Variants in PAXBP1 observed in about 807,000 individuals in gnomAD.
PAXBP1 encodes the protein PAX3 and PAX7 binding protein 1.
PAXBP1 carries 44 observed loss-of-function variants against 119.9 expected under a neutral mutation model. The observed-to-expected ratio is 0.37, with a 90% confidence interval of 0.29 to 0.47. The LOEUF (loss-of-function observed/expected upper bound fraction) is 0.47. Ranked by LOEUF, PAXBP1 falls within the 20% of genes least tolerant of loss-of-function variation. The pLI is 0.99. For missense variants in PAXBP1, 898 were observed against 1,134.1 expected (o/e 0.79, Z 2.99); for synonymous variants, 393 against 406.6 (o/e 0.97, Z 0.40).
intron 5 of PAXBP1, 84 bp downstream of exon 5, chr21:32,760,974 AT>A: frequency 6.9e-6 from 7 of 1,019,250 alleles, no homozygotes; most frequent in Non-Finnish European, 8.8e-6. Context: ...AATGACAAAG[AT>A]TCAATACGGA....
At chr21:32,735,562 C>T (rs913098041) in intron 17 of PAXBP1, among the ~76,000 whole-genome samples, 1 of 152,232 alleles carries the variant, frequency 6.6e-6, no homozygotes, top group Non-Finnish European at 1.5e-5. Context: ...CCTTATCACT[C>T]CAGCTAGAAG....
intron 4 of PAXBP1, 131 bp downstream of exon 4, chr21:32,761,965 C>G: frequency 1.1e-6 from 1 of 898,790 alleles, no homozygotes; most frequent in Non-Finnish European, 1.7e-6. Context: ...TTTGAGTCCA[C>G]GAGTCAAGAC....
chr21:32,758,319 ATTTT>A (rs144075519), intron 7 of PAXBP1, among the ~76,000 whole-genome samples: 1 of 147,456 alleles, frequency 6.8e-6, no homozygotes, highest in East Asian at 2.0e-4. Context: ...CACAGTTTTA[ATTTT>A]TTTTTTTTTA....
Position 32,761,135 on chromosome 21 carries a change from A to G in PAXBP1, c.899T>C (p.Leu300Ser), listed in dbSNP as rs2146512633. ...IGIEGSDDDA[L>S]VTGEQDEELS... ...CTCTTCATCCTGTTCTCCAGTTACT[A>G]AAGCATCATCATCACTCCCCTCAAT... The change falls in exon 5 of 18, where the codon TTA becomes TCA. Residue 300 changes from leucine (L) to serine (S), a missense_variant. Leu to Ser is a moderately radical substitution (Grantham distance 145, BLOSUM62 -2). Coordinates refer to ENST00000331923, the MANE Select transcript of PAXBP1 (RefSeq NM_016631.4). The G allele has an allele frequency of 6.2e-7, 1 of 1,613,994 alleles. No homozygotes were observed. Among genetic ancestry groups the G allele is most frequent in the Non-Finnish European group, 8.5e-7 (1 of 1,180,000 alleles).
chr21:32,758,785 G>A (rs901391970), intron 7 of PAXBP1, among the ~76,000 whole-genome samples: 1 of 151,728 alleles, frequency 6.6e-6, no homozygotes, highest in East Asian at 1.9e-4. Context: ...TATATTCTAA[G>A]AATTCAGCAC....
chr21:32,749,018 T>C (rs2043918657), intron 10 of PAXBP1, among the ~76,000 whole-genome samples: 1 of 152,172 alleles, frequency 6.6e-6, no homozygotes, highest in African/African-American at 2.4e-5. Flanking sequence ...CCATAAGTAA[T>C]TGTGCCGCTA....
At chr21:32,748,876 A>C (rs1329942368) in intron 10 of PAXBP1, among the ~76,000 whole-genome samples, 178 bp from the exon 11 acceptor site, 1 of 152,212 alleles carries the variant, frequency 6.6e-6, no homozygotes, top group Non-Finnish European at 1.5e-5. Flanking sequence ...CAATTTGTCT[A>C]TTATGTAAAC....
chr21:32,760,812 A>T (rs2044127711), intron 5 of PAXBP1, among the ~76,000 whole-genome samples: 1 of 151,902 alleles, frequency 6.6e-6, no homozygotes, highest in African/African-American at 2.4e-5. Flanking sequence ...TCATCTAAGA[A>T]ATTGGAAATT....
At chr21:32,762,031 C>T (rs1233920946) in intron 4 of PAXBP1, 65 bp downstream of exon 4, 42 of 1,544,810 alleles carry the variant, frequency 2.7e-5, no homozygotes, top group Non-Finnish European at 3.3e-5. Context: ...TGGAATGACA[C>T]CCTGCCTTAA....
chr21:32,744,835 T>C lies in PAXBP1; in HGVS notation c.2147A>G (p.Asn716Ser), dbSNP rs757546224. The change falls in exon 13 of 18, where the codon AAT becomes AGT. Residue 716 changes from asparagine to serine, a missense_variant. Physicochemically the swap from Asn to Ser is conservative, Grantham distance 46 (BLOSUM62 1). This residue lies in a region of PAXBP1 where 599 missense variants were observed against 852.7 expected (regional missense o/e 0.70). Transcript: ENST00000331923. ...TGCATTCACTACTGAAGGATATCCA[T>C]TGATTAATTTTAGTGTAATTCCCAC... ...RMVGITLKLI[N>S]GYPSVVNAEN... 1.3e-5 allele frequency: 21 copies of C among 1,605,678 alleles called. No individual in the cohort carries two copies. The highest frequency in any genetic ancestry group is 4.0e-5 in the African/African-American group (3 of 74,578).
chr21:32,750,853 TA>T, intron 10 of PAXBP1, 63 bp downstream of exon 10: 1 of 1,233,018 alleles, frequency 8.1e-7, no homozygotes, highest in Non-Finnish European at 1.2e-6. Context: ...CATTTCATGG[TA>T]AAAACCATAC....
rs1300131408 is a variant in PAXBP1, at chr21:32,734,724, GT to G, written c.*225del. ...TTAAATGACCATACAAAATACTTCA[GT>G]AAACAAAGTATGACAGGCAGTAAAG... On this transcript the variant is annotated 3_prime_UTR_variant, in exon 18 of 18. Coordinates refer to ENST00000331923, the MANE Select transcript of PAXBP1 (RefSeq NM_016631.4). 3 of 543,628 alleles carry G rather than the reference GT, an allele frequency of 5.5e-6. No individual in the cohort carries two copies. In the African/African-American group the frequency reaches 5.7e-5, roughly 10 times the overall value. The allele number at this position is 543,628 out of a possible 1,614,324, so 33.7% of individuals were successfully genotyped here. A position where few individuals can be genotyped will look rare whatever the true frequency, so the allele number is the denominator to read the frequency against.
chr21:32,760,421 A>G (rs183043768), intron 5 of PAXBP1, among the ~76,000 whole-genome samples: 55 of 152,314 alleles, frequency 3.6e-4, no homozygotes, highest in African/African-American at 1.3e-3. Context: ...TCAAAACACT[A>G]TTAACAAAAA....
rs1354319781 is a variant in PAXBP1 at position 32,741,762 on chromosome 21, G to GC, written c.2334+1485dup. ...TTCTGGTGTCTATGACCCGCCTGGG[G>GC]CAACAGGGATTCTAGTTTCTATGGC... On this transcript the variant is annotated intron_variant, in intron 15 of 17. Coordinates refer to ENST00000331923, the MANE Select transcript of PAXBP1 (RefSeq NM_016631.4). 2.5e-5 allele frequency: 12 copies of GC among 475,812 alleles called. No individual in the cohort carries two copies. In the South Asian group the frequency reaches 4.0e-4, roughly 16 times the overall value. 29.5% of individuals were successfully genotyped at this position (475,812 alleles called of 1,614,324 possible).
Position 32,750,958 on chromosome 21 carries a change from T to C in PAXBP1, c.1682A>G (p.Glu561Gly). Reference sequence around the variant, plus strand: ...ATTAGTAATATCTGTAGAAGTTTCTTCATCATCACTGGAAAGGCCTTCAAG... The same window carrying C: ...ATTAGTAATATCTGTAGAAGTTTCTCCATCATCACTGGAAAGGCCTTCAAG... ...DHLEGLSSDD[E>G]ETSTDITNFN... Residue 561 changes from glutamate (E) to glycine (G), a missense_variant, in exon 10 of 18, where the codon GAA (glutamate) becomes GGA (glycine). By Grantham distance (98) the Glu-to-Gly change is moderately conservative. Around this residue, in one of 2 missense-constraint regions of PAXBP1, gnomAD observed 599 missense variants for 852.7 expected, o/e 0.70. Coordinates refer to ENST00000331923, the MANE Select transcript of PAXBP1 (RefSeq NM_016631.4). 6.2e-7 allele frequency: 1 copy of C among 1,613,986 alleles called. No homozygotes were observed. The highest frequency in any genetic ancestry group is 8.5e-7 in the Non-Finnish European group (1 of 1,179,944).
At chr21:32,738,455 A>G (rs1244278079) in intron 15 of PAXBP1, 136 bp from the exon 16 acceptor site, 6 of 688,152 alleles carry the variant, frequency 8.7e-6, no homozygotes, top group Non-Finnish European at 1.4e-5. Flanking sequence ...AATACTTTCA[A>G]AGGTACAGAT....
chr21:32,744,984 T>C (rs556737473), intron 12 of PAXBP1, 71 bp from the exon 13 acceptor site: 2 of 1,437,244 alleles, frequency 1.4e-6, no homozygotes, highest in East Asian at 2.4e-5. Context: ...AGCAGACCTC[T>C]ATTAATGCCA....
chr21:32,745,722 A>G lies in PAXBP1; in HGVS notation c.1924-4T>C, dbSNP rs1210230916. On this transcript the variant is annotated splice_region_variant and splice_polypyrimidine_tract_variant and intron_variant, in intron 11 of 17. Coordinates refer to ENST00000331923, the MANE Select transcript of PAXBP1 (RefSeq NM_016631.4). The stretch of plus-strand genomic sequence containing the variant: ...TCTCAAAGTCACGACATTTTGCCTA[A>G]AAGACATTTAAAAGGTTACCCAAAT... 4 of 1,613,588 alleles carry G rather than the reference A, an allele frequency of 2.5e-6. No homozygotes were observed. The highest frequency in any genetic ancestry group is 1.3e-5 in the African/African-American group (1 of 74,908).
At position 32,737,427 on chromosome 21, in the gene PAXBP1, T is replaced by A; in HGVS notation, c.2482-19A>T. ...TGATTACCTGTGGAGAAGAAAGACG[T>A]AAAATAAAATAGTTAAGACAGAATA... is the stretch of plus-strand genomic sequence containing the variant. On this transcript the variant is annotated intron_variant, in intron 16 of 17. Coordinates refer to ENST00000331923, the MANE Select transcript of PAXBP1 (RefSeq NM_016631.4). 1 of 1,582,908 alleles carries A rather than the reference T, an allele frequency of 6.3e-7. No individual in the cohort carries two copies. Among genetic ancestry groups the A allele is most frequent in the Non-Finnish European group, 8.6e-7 (1 of 1,164,100 alleles).
Sources: gnomAD v4.1 joint callset for allele counts (sites outside exome capture counted in the v4.1 genomes callset) on GRCh38, gnomAD v4.1.1 for gene constraint, gnomAD v4.1.1 regional missense constraint, MANE v1.5 for transcripts, NCBI Gene and HGNC (gene_info 2026-07-23, HGNC 2026-07-21) for gene names.